The following PLEK variants were observed in gnomAD, a reference collection of about 807,000 sequenced individuals.
PLEK encodes the protein pleckstrin.
PLEK carries 25 observed loss-of-function variants against 43.9 expected under a neutral mutation model. That is an observed-to-expected ratio of 0.57 (90% CI 0.41 to 0.79). The LOEUF is 0.79. Ranked by LOEUF, PLEK falls within the 30% of genes least tolerant of loss-of-function variation. The pLI is 0.00. For synonymous variants in PLEK, 152 were observed against 144.4 expected (o/e 1.05, Z -0.38); for missense variants, 396 against 413.3 (o/e 0.96, Z 0.36).
At chr2:68,382,871 T>C (rs1673655717) in intron 4 of PLEK, among the ~76,000 whole-genome samples, 1 of 152,170 alleles carries the variant, frequency 6.6e-6, no homozygotes, top group Admixed American at 6.5e-5. Flanking sequence ...CAAGCTAACG[T>C]TCCAATCAAA....
intron 6 of PLEK, among the ~76,000 whole-genome samples, chr2:68,390,555 G>A (rs879496513): frequency 5.3e-5 from 8 of 152,028 alleles, no homozygotes; most frequent in African/African-American, 9.7e-5. Context: ...AAACCTCTTC[G>A]ATTTGAATTG....
At chr2:68,383,165 C>A (rs1357503806) in intron 4 of PLEK, among the ~76,000 whole-genome samples, 1 of 152,212 alleles carries the variant, frequency 6.6e-6, no homozygotes, top group African/African-American at 2.4e-5. Flanking sequence ...GGCTCAATAA[C>A]TTAGCCTCTC....
chr2:68,390,519 AT>A (rs1451259863), intron 6 of PLEK, among the ~76,000 whole-genome samples: 4 of 151,970 alleles, frequency 2.6e-5, no homozygotes, highest in African/African-American at 4.8e-5. Context: ...TTTCCTCTGA[AT>A]TTTTTTTCAG....
chr2:68,377,149 C>T (rs1324279838), intron 1 of PLEK, among the ~76,000 whole-genome samples: 1 of 152,158 alleles, frequency 6.6e-6, no homozygotes, highest in African/African-American at 2.4e-5. Context: ...ATGTACTACA[C>T]TTTCTTTATC....
chr2:68,386,528 T>C lies in PLEK; in HGVS notation c.499T>C (p.Ser167Pro). Residue 167 changes from serine to proline, a missense_variant, in exon 5 of 9, where the codon TCC (serine) becomes CCC (proline). Coordinates refer to ENST00000234313, the MANE Select transcript of PLEK (RefSeq NM_002664.3). ...TAACTGCGTCATTGATTGGCTGGTATCCAACCAGTCTGTTAGGAATCGCCA... is the reference window on the plus strand; with the variant it reads ...TAACTGCGTCATTGATTGGCTGGTACCCAACCAGTCTGTTAGGAATCGCCA... ...TGNCVIDWLV[S>P]NQSVRNRQEG... The C allele has an allele frequency of 6.2e-7, 1 of 1,613,830 alleles. No homozygotes were observed. Among genetic ancestry groups the C allele is most frequent in the Non-Finnish European group, 8.5e-7 (1 of 1,179,804 alleles).
At chr2:68,378,502 C>T (rs1010739941) in intron 1 of PLEK, among the ~76,000 whole-genome samples, 1 of 152,186 alleles carries the variant, frequency 6.6e-6, no homozygotes, top group Non-Finnish European at 1.5e-5. Flanking sequence ...TCAGGGCCTT[C>T]AGCTTTCCCA....
chr2:68,370,439 C>T (rs144948930), intron 1 of PLEK, among the ~76,000 whole-genome samples: 268 of 152,222 alleles, frequency 1.8e-3, no homozygotes, highest in Non-Finnish European at 3.0e-3. Context: ...GTGAACTATT[C>T]GAGAGCAGAG....
intron 5 of PLEK, among the ~76,000 whole-genome samples, chr2:68,387,378 G>A (rs1260896539): frequency 6.6e-6 from 1 of 152,170 alleles, no homozygotes; most frequent in Non-Finnish European, 1.5e-5. Context: ...CAAGCGTACT[G>A]GAGGGACAGG....
chr2:68,395,192 T>C (rs189626047), intron 8 of PLEK, among the ~76,000 whole-genome samples: 271 of 150,600 alleles, frequency 1.8e-3, no homozygotes, highest in Middle Eastern at 3.5e-3. Context: ...TATATATATA[T>C]ACACACACAC....
In PLEK at chr2:68,382,640, G is replaced by A; in HGVS notation, c.472+7G>A. 6.6e-7 allele frequency: 1 copy of A among 1,514,572 alleles called. No individual in the cohort carries two copies. The highest frequency in any genetic ancestry group is 9.2e-7 in the Non-Finnish European group (1 of 1,089,970). 93.8% of individuals were successfully genotyped at this position (1,514,572 alleles called of 1,614,324 possible). On this transcript the variant is annotated splice_region_variant and intron_variant, in intron 4 of 8. Coordinates refer to ENST00000234313, the MANE Select transcript of PLEK (RefSeq NM_002664.3). ...TTTAATCACTGCTTCACAGGTAAAA[G>A]CACTTGCAGGCCTGAAATAGGGCGA...
chr2:68,375,393 A>T (rs1673483600), intron 1 of PLEK, among the ~76,000 whole-genome samples: 1 of 152,102 alleles, frequency 6.6e-6, no homozygotes, highest in Admixed American at 6.5e-5. Flanking sequence ...TACTTTTCTT[A>T]TTGATTTGCA....
At chr2:68,367,253 C>CT (rs11338240) in intron 1 of PLEK, among the ~76,000 whole-genome samples, 42,036 of 149,562 alleles carry the variant, frequency 0.28, 5,913 homozygotes, top group Middle Eastern at 0.38. Context: ...TTAAGATTCT[C>CT]TTTTTTTTTT....
At chr2:68,371,490 A>T (rs1274205607) in intron 1 of PLEK, among the ~76,000 whole-genome samples, 1 of 152,250 alleles carries the variant, frequency 6.6e-6, no homozygotes, top group African/African-American at 2.4e-5. Context: ...TGTAAGGAAT[A>T]GGTACTATTT....
At chr2:68,376,926 C>T (rs1004197567) in intron 1 of PLEK, among the ~76,000 whole-genome samples, 1 of 152,162 alleles carries the variant, frequency 6.6e-6, no homozygotes, top group Non-Finnish European at 1.5e-5. Context: ...TCCCCCACTT[C>T]CCTTCCTGGC....
In PLEK at chr2:68,394,090, A is replaced by T. The variant is rs1291536838; in HGVS notation, c.847-17A>T. On this transcript the variant is annotated splice_polypyrimidine_tract_variant and intron_variant, in intron 7 of 8. Coordinates refer to ENST00000234313, the MANE Select transcript of PLEK (RefSeq NM_002664.3). ...CTGCATTTTGGAAACATAATGAACA[A>T]CTCCTTTCTTCTTTAGGCAGAAGAT... 7 of 1,575,582 alleles carry T rather than the reference A, an allele frequency of 4.4e-6. No individual in the cohort carries two copies. The highest frequency in any genetic ancestry group is 4.5e-5 in the East Asian group (2 of 44,680).
intron 1 of PLEK, among the ~76,000 whole-genome samples, chr2:68,374,258 T>C (rs1673461867): frequency 6.6e-6 from 1 of 152,206 alleles, no homozygotes; most frequent in Non-Finnish European, 1.5e-5. Context: ...AATTTATTAC[T>C]AATAAAATGA....
At chr2:68,382,781 AC>A in intron 4 of PLEK, 148 bp downstream of exon 4, 1 of 569,388 alleles carries the variant, frequency 1.8e-6, no homozygotes. Flanking sequence ...TGAAGCTCCT[AC>A]AGAGTGAAAA....
chr2:68,382,502 T>TTTTG lies in PLEK; in HGVS notation c.381-23_381-20dup, dbSNP rs570662826. The TTTTG allele has an allele frequency of 1.1e-4, 133 of 1,216,116 alleles. No homozygotes were observed. The African/African-American group carries it at 1.2e-3, about 11-fold the overall frequency. The allele number at this position is 1,216,116 out of a possible 1,614,324, so 75.3% of individuals were successfully genotyped here. On this transcript the variant is annotated intron_variant, in intron 3 of 8. Transcript: ENST00000234313. ...TCCCCACTCATCCAACTGGGTTTTT[T>TTTTG]TTTGTTTGTTTGTTTGTTTGCTTTT...
At chr2:68,372,064 C>CT (rs1350840637) in intron 1 of PLEK, among the ~76,000 whole-genome samples, 2 of 152,004 alleles carry the variant, frequency 1.3e-5, no homozygotes, top group Non-Finnish European at 2.9e-5. Flanking sequence ...CTTATTGGTT[C>CT]TAAAGTGTTT....
Sources: gnomAD v4.1 joint callset for allele counts (sites outside exome capture counted in the v4.1 genomes callset) on GRCh38, gnomAD v4.1.1 for gene constraint, MANE v1.5 for transcripts, NCBI Gene and HGNC (gene_info 2026-07-23, HGNC 2026-07-21) for gene names.